Variants in MNAT1 observed in about 807,000 individuals in gnomAD.
MNAT1 encodes CDK-activating kinase assembly factor MAT1.
MNAT1 carries 43 observed loss-of-function variants against 42.0 expected under a neutral mutation model. The observed-to-expected ratio is 1.02, with a 90% CI of 0.80 to 1.32. The LOEUF is 1.32. Among genes scored for constraint, MNAT1 ranks in the 40% most tolerant of loss-of-function variants. The pLI is 0.00. For missense variants in MNAT1, 306 were observed against 350.4 expected, an observed-to-expected ratio of 0.87 and a Z score of 1.01; for synonymous variants, 118 against 120.0, an observed-to-expected ratio of 0.98 and a Z score of 0.11.
rs540011235 is a variant in MNAT1 at position 60,734,803 on chromosome 14, G to A, written c.-60G>A. On this transcript the variant is annotated 5_prime_UTR_variant, in exon 1 of 8. Transcript: ENST00000261245. The surrounding 1 kb of genome is among the most constrained non-coding windows in gnomAD (Gnocchi z 4.3). ...AACCTGCTTGGTCGCGTCTGAGGGG[G>A]CTTGTAGGTGGCTCTGGCTGAAACA... The A allele has an allele frequency of 2.4e-5, 37 of 1,522,606 alleles. No individual in the cohort carries two copies. The highest frequency in any genetic ancestry group is 5.1e-5 in the Admixed American group (3 of 59,300). The allele number at this position is 1,522,606 out of a possible 1,614,324, so 94.3% of individuals were successfully genotyped here. A position where few individuals can be genotyped will look rare whatever the true frequency, so the allele number is the denominator to read the frequency against.
At chr14:60,838,302 A>AT (rs960093189) in intron 6 of MNAT1, among the ~76,000 whole-genome samples, 20 of 150,658 alleles carry the variant, frequency 1.3e-4, no homozygotes, top group East Asian at 3.9e-4. Flanking sequence ...CACCTGGCGA[A>AT]TTTTTTTTTG....
intron 1 of MNAT1, among the ~76,000 whole-genome samples, chr14:60,790,294 G>A (rs1047618405): frequency 2.6e-5 from 4 of 152,160 alleles, no homozygotes; most frequent in African/African-American, 4.8e-5. Context: ...GAACTGCTTA[G>A]TGCAAACCTG....
At chr14:60,751,084 T>A (rs2030070735) in intron 1 of MNAT1, among the ~76,000 whole-genome samples, 1 of 151,820 alleles carries the variant, frequency 6.6e-6, no homozygotes, top group Non-Finnish European at 1.5e-5. Context: ...GTATTTTATG[T>A]CTCCCTCCAC....
In MNAT1 at chr14:60,953,758, T is replaced by C. The variant is rs577672597; in HGVS notation, c.810-14471T>C. On this transcript the variant is annotated intron_variant, in intron 7 of 7. Transcript: ENST00000261245. ...ATTCTCATTAACACTGTACTAGGGG[T>C]TCTCTGTTCTCCACACCCTTGCGAA... 2.0e-5 allele frequency among the ~76,000 whole-genome samples: 3 copies of C among 152,268 alleles called. No individual in the cohort carries two copies. The South Asian group carries it at 6.2e-4, about 32-fold the overall frequency.
chr14:60,746,981 A>G (rs1353709917), intron 1 of MNAT1, among the ~76,000 whole-genome samples: 1 of 94,578 alleles, frequency 1.1e-5, no homozygotes, highest in African/African-American at 4.4e-5. Context: ...CACACACAAA[A>G]TTATGTCTTT....
intron 7 of MNAT1, among the ~76,000 whole-genome samples, chr14:60,951,732 T>C (rs1025511597): frequency 2.0e-5 from 3 of 152,202 alleles, no homozygotes; most frequent in Non-Finnish European, 4.4e-5. Flanking sequence ...GGTCATGTCT[T>C]CTGACTCTTT....
chr14:60,814,630 T>C (rs1594773608), intron 5 of MNAT1, among the ~76,000 whole-genome samples: 1 of 151,684 alleles, frequency 6.6e-6, no homozygotes, highest in Non-Finnish European at 1.5e-5. Flanking sequence ...TAACCAGGAG[T>C]AAAAAAAGAG....
rs150329936 is a variant in MNAT1, at chr14:60,832,169, A to G, written c.687+13322A>G. On this transcript the variant is annotated intron_variant, in intron 6 of 7. Transcript: ENST00000261245. ...ATGACAGTTTCTTTTGCTGTGCAGA[A>G]GCTCTTTAGTTTGATTAGATCCCAA... 1.6e-3 allele frequency among the ~76,000 whole-genome samples: 244 copies of G among 152,244 alleles called. 1 individual carries two copies. Among genetic ancestry groups the G allele is most frequent in the Middle Eastern group, 0.01 (3 of 294 alleles).
chr14:60,843,585 A>G (rs527933744), intron 6 of MNAT1, among the ~76,000 whole-genome samples: 1 of 152,110 alleles, frequency 6.6e-6, no homozygotes, highest in South Asian at 2.1e-4. Context: ...TGCCTTTTTT[A>G]TATCTCTTTT....
intron 7 of MNAT1, among the ~76,000 whole-genome samples, chr14:60,921,804 A>G (rs1331913189): frequency 6.6e-6 from 1 of 152,200 alleles, no homozygotes; most frequent in African/African-American, 2.4e-5. Context: ...CCTAAAGAAC[A>G]GGAATGGAAA....
intron 6 of MNAT1, among the ~76,000 whole-genome samples, chr14:60,871,769 C>T (rs1246167692): frequency 4.0e-5 from 6 of 151,840 alleles, no homozygotes; most frequent in Non-Finnish European, 5.9e-5. Context: ...ATTACAGGCG[C>T]CGGCTACCAC....
At chr14:60,827,048 A>G (rs1246915087) in intron 6 of MNAT1, among the ~76,000 whole-genome samples, 1 of 152,212 alleles carries the variant, frequency 6.6e-6, no homozygotes, top group East Asian at 1.9e-4. Flanking sequence ...GCTTGTTTGC[A>G]AACTGAAAAT....
intron 5 of MNAT1, among the ~76,000 whole-genome samples, chr14:60,817,307 A>C (rs1180813296): frequency 6.6e-6 from 1 of 151,856 alleles, no homozygotes; most frequent in Non-Finnish European, 1.5e-5. Context: ...ATGCATTACT[A>C]ATGCTTTGGT....
chr14:60,939,776 C>T (rs2036099600), intron 7 of MNAT1, among the ~76,000 whole-genome samples: 1 of 152,144 alleles, frequency 6.6e-6, no homozygotes, highest in Admixed American at 6.5e-5. Flanking sequence ...AGTTCAGTTC[C>T]TGGAGAGCCT....
chr14:60,824,840 A>C lies in MNAT1; in HGVS notation c.687+5993A>C, dbSNP rs4151235. 1.5e-3 allele frequency among the ~76,000 whole-genome samples: 226 copies of C among 152,290 alleles called. 1 individual carries two copies. The highest frequency in any genetic ancestry group is 2.8e-3 in the Admixed American group (43 of 15,300). On this transcript the variant is annotated intron_variant, in intron 6 of 7. Transcript: ENST00000261245. Reference sequence around the variant, plus strand: ...TTTTTCGTAGTTAGATATATAAATGAATTATTTTATAATGCCCTTGAACCA... The same window carrying C: ...TTTTTCGTAGTTAGATATATAAATGCATTATTTTATAATGCCCTTGAACCA...
intron 6 of MNAT1, among the ~76,000 whole-genome samples, chr14:60,822,627 A>T (rs2032927624): frequency 7.6e-6 from 1 of 131,712 alleles, no homozygotes; most frequent in African/African-American, 2.8e-5. Context: ...TTTGGAGAGG[A>T]GGCAGGGTAT....
intron 6 of MNAT1, among the ~76,000 whole-genome samples, chr14:60,843,505 C>T (rs1259021769): frequency 1.3e-5 from 2 of 151,996 alleles, no homozygotes; most frequent in Non-Finnish European, 2.9e-5. Context: ...CTCCTGACCT[C>T]GTGATCCGCC....
At chr14:60,929,430 G>C (rs1324550085) in intron 7 of MNAT1, among the ~76,000 whole-genome samples, 1 of 151,510 alleles carries the variant, frequency 6.6e-6, no homozygotes, top group Non-Finnish European at 1.5e-5. Flanking sequence ...TCTTACATTT[G>C]GGCCTCAGAT....
chr14:60,786,575 C>G (rs186280125), intron 1 of MNAT1, among the ~76,000 whole-genome samples: 29 of 152,182 alleles, frequency 1.9e-4, no homozygotes, highest in Non-Finnish European at 2.9e-5. Flanking sequence ...TTGAAATGTT[C>G]ATTTATTCAT....
Sources: allele counts gnomAD v4.1 joint callset (sites outside exome capture counted in the v4.1 genomes callset), GRCh38; gene constraint gnomAD v4.1.1; non-coding constraint Gnocchi (gnomAD v3.1); transcripts MANE v1.5; gene names NCBI Gene and HGNC (gene_info 2026-07-23, HGNC 2026-07-21).